GFOD1: variants seen among roughly 807,000 people sequenced by gnomAD.
The protein encoded by GFOD1 is Gfo/Idh/MocA-like oxidoreductase domain containing 1.
A neutral mutation model predicts 25.4 loss-of-function variants in GFOD1; 9 were observed. That is an observed-to-expected ratio of 0.35 (90% CI 0.21 to 0.62). The LOEUF is 0.62. Ranked by LOEUF, GFOD1 falls within the 20% of genes least tolerant of loss-of-function variation. The pLI is 0.72. For synonymous variants in GFOD1, 253 were observed against 245.6 expected, an observed-to-expected ratio of 1.03 and a Z score of -0.28; for missense variants, 403 against 556.9, an observed-to-expected ratio of 0.72 and a Z score of 2.78.
intron 1 of GFOD1, among the ~76,000 whole-genome samples, chr6:13,467,543 G>A (rs1562227936): frequency 6.6e-6 from 1 of 152,170 alleles, no homozygotes; most frequent in East Asian, 1.9e-4. Flanking sequence ...AGGTTTGACT[G>A]AAAAGAAACC....
intron 1 of GFOD1, among the ~76,000 whole-genome samples, chr6:13,405,486 G>T (rs1178179121): frequency 6.6e-6 from 1 of 152,208 alleles, no homozygotes; most frequent in East Asian, 1.9e-4. Flanking sequence ...ATCTTAATTT[G>T]GACTGGCTCA....
intron 1 of GFOD1, 78 bp downstream of exon 1, chr6:13,486,560 G>T: frequency 8.1e-7 from 1 of 1,227,142 alleles, no homozygotes; most frequent in Non-Finnish European, 1.2e-6. Context: ...TGCGGAGAGG[G>T]AAAGGCAGGG....
In GFOD1 at chr6:13,365,004, G is replaced by C. The variant is rs550515114; in HGVS notation, c.912C>G (p.Arg304=). ...AFSDIPSPYL[R]GTIKMMQAVR... The stretch of plus-strand genomic sequence containing the variant: ...CCGCCTGCATCATCTTGATGGTGCC[G>C]CGCAGGTAGGGCGAGGGGATGTCGC... The change falls in exon 2 of 2, where the codon CGC becomes CGG. Residue 304 remains arginine (R), a synonymous_variant. Coordinates refer to ENST00000379287, the MANE Select transcript of GFOD1 (RefSeq NM_018988.4). The surrounding 1 kb of genome is among the most constrained non-coding windows in gnomAD (Gnocchi z 9.2). 7 of 1,610,310 alleles carry C rather than the reference G, an allele frequency of 4.3e-6. No individual in the cohort carries two copies. Among genetic ancestry groups the C allele is most frequent in the South Asian group, 1.1e-5 (1 of 91,068 alleles).
In GFOD1 at chr6:13,400,018, T is replaced by TTA. The variant is rs562471573; in HGVS notation, c.254-34358_254-34357dup. Among the ~76,000 whole-genome samples the TTA allele has an allele frequency of 2.1e-4, 32 of 152,256 alleles. No individual in the cohort carries two copies. In the South Asian group the frequency reaches 6.2e-3, roughly 30 times the overall value. On this transcript the variant is annotated intron_variant, in intron 1 of 1. Coordinates refer to ENST00000379287, the MANE Select transcript of GFOD1 (RefSeq NM_018988.4). ...TAAGATCCTCCACGTGGTCACACAGTTACTGAGAAGCTGTTTTAATCTATA... is the reference window on the plus strand; with the variant it reads ...TAAGATCCTCCACGTGGTCACACAGTTATACTGAGAAGCTGTTTTAATCTATA...
In GFOD1 at chr6:13,487,548, G is replaced by C. The variant is rs1414562451; in HGVS notation, c.-658C>G. On this transcript the variant is annotated 5_prime_UTR_variant, in exon 1 of 2. Transcript: ENST00000379287. This position sits in a 1 kb window ranked among gnomAD's most constrained non-coding sequence, Gnocchi z 4.9. Reference sequence around the variant, plus strand: ...GCCAGCCTCCTCATTCTGCTGCCATGTTCGCTCGCCTCGCGGCTCGGGCGG... The same window carrying C: ...GCCAGCCTCCTCATTCTGCTGCCATCTTCGCTCGCCTCGCGGCTCGGGCGG... 1.3e-5 allele frequency: 2 copies of C among 152,014 alleles called. No homozygotes were observed. The highest frequency in any genetic ancestry group is 4.8e-5 in the African/African-American group (2 of 41,408). The allele number at this position is 152,014 out of a possible 1,614,324, so 9.4% of individuals were successfully genotyped here. A position where few individuals can be genotyped will look rare whatever the true frequency, so the allele number is the denominator to read the frequency against.
At chr6:13,413,718 T>C (rs1786117753) in intron 1 of GFOD1, among the ~76,000 whole-genome samples, 1 of 152,202 alleles carries the variant, frequency 6.6e-6, no homozygotes, top group Admixed American at 6.5e-5. Context: ...TGGGACAGCC[T>C]GTGCTGCCTT....
chr6:13,396,592 G>A (rs1785737839), intron 1 of GFOD1, among the ~76,000 whole-genome samples: 1 of 152,190 alleles, frequency 6.6e-6, no homozygotes. Flanking sequence ...ATGAAGTTAA[G>A]GATCATGAAC....
intron 1 of GFOD1, among the ~76,000 whole-genome samples, chr6:13,386,600 A>G (rs987141343): frequency 4.6e-5 from 7 of 152,106 alleles, no homozygotes; most frequent in African/African-American, 1.7e-4. Flanking sequence ...CTGCTCCCCA[A>G]CGATCCTCAT....
chr6:13,402,130 T>A (rs1584630236), intron 1 of GFOD1, among the ~76,000 whole-genome samples: 1 of 152,196 alleles, frequency 6.6e-6, no homozygotes, highest in East Asian at 1.9e-4. Context: ...CAACTGGCTA[T>A]CCACATGCAC....
intron 1 of GFOD1, among the ~76,000 whole-genome samples, chr6:13,472,332 C>A (rs2127577780): frequency 6.6e-6 from 1 of 152,316 alleles, no homozygotes; most frequent in East Asian, 1.9e-4. Context: ...TACCATACTG[C>A]ATAGCACAGA....
At chr6:13,477,230 T>TGTGTGC (rs1373757462) in intron 1 of GFOD1, among the ~76,000 whole-genome samples, 11 of 148,764 alleles carry the variant, frequency 7.4e-5, no homozygotes, top group Non-Finnish European at 1.4e-4. Flanking sequence ...TGTGTGTGTG[T>TGTGTGC]GTGTGTGTGT....
intron 1 of GFOD1, among the ~76,000 whole-genome samples, chr6:13,479,244 C>T (rs1758696182): frequency 6.6e-6 from 1 of 152,064 alleles, no homozygotes; most frequent in African/African-American, 2.4e-5. Flanking sequence ...AAAGTAAAAA[C>T]TACTGTTTAT....
At chr6:13,447,707 C>A (rs758268595) in intron 1 of GFOD1, among the ~76,000 whole-genome samples, 1 of 122,298 alleles carries the variant, frequency 8.2e-6, no homozygotes, top group Non-Finnish European at 1.6e-5. Flanking sequence ...TGCAATTGCA[C>A]TCCAGCCTGG....
At chr6:13,469,412 T>C in intron 1 of GFOD1, 1 of 986,138 alleles carries the variant, frequency 1.0e-6, no homozygotes, top group Non-Finnish European at 1.2e-6. Flanking sequence ...CCCAGGCTAT[T>C]GTCTCCTCAG....
At chr6:13,389,568 A>T (rs771047352) in intron 1 of GFOD1, among the ~76,000 whole-genome samples, 17 of 151,984 alleles carry the variant, frequency 1.1e-4, no homozygotes, top group Non-Finnish European at 5.9e-5. Flanking sequence ...AACAATGAGA[A>T]CACATGGACA....
chr6:13,377,062 A>C (rs1310987909), intron 1 of GFOD1, among the ~76,000 whole-genome samples: 2 of 151,102 alleles, frequency 1.3e-5, no homozygotes, highest in African/African-American at 4.9e-5. Flanking sequence ...ACACAGTCCT[A>C]AGTTTTGGTC....
intron 1 of GFOD1, among the ~76,000 whole-genome samples, chr6:13,461,701 C>G (rs1360260448): frequency 1.3e-5 from 2 of 152,166 alleles, no homozygotes; most frequent in African/African-American, 4.8e-5. Flanking sequence ...CTCTCCCTCA[C>G]ATGAACTCCT....
chr6:13,484,916 C>T (rs1584680037), intron 1 of GFOD1, among the ~76,000 whole-genome samples: 3 of 152,162 alleles, frequency 2.0e-5, no homozygotes, highest in African/African-American at 4.8e-5. Flanking sequence ...CTCCAGTATA[C>T]GCAGGGCTCA....
At chr6:13,420,354 T>C (rs73725822) in intron 1 of GFOD1, among the ~76,000 whole-genome samples, 9,477 of 152,288 alleles carry the variant, frequency 0.062, 373 homozygotes, top group Middle Eastern at 0.12. Context: ...AGTCGAATTC[T>C]GGCAGGAAGA....
Sources: allele counts gnomAD v4.1 joint callset (sites outside exome capture counted in the v4.1 genomes callset), GRCh38; gene constraint gnomAD v4.1.1; non-coding constraint Gnocchi (gnomAD v3.1); transcripts MANE v1.5; gene names NCBI Gene and HGNC (gene_info 2026-07-23, HGNC 2026-07-21).